Variants in NTRK2 observed in about 807,000 individuals in gnomAD.
The protein encoded by NTRK2 is BDNF/NT-3 growth factors receptor.
In NTRK2, 13 loss-of-function variants were observed where a neutral mutation model predicts 94.5. The ratio of observed to expected loss-of-function variants is 0.14; its 90% CI spans 0.09 to 0.22. The LOEUF (loss-of-function observed/expected upper bound fraction) is 0.22, where lower values mean the gene tolerates loss of function less well. NTRK2 is among the 10% of genes least tolerant of loss of function. The pLI, the probability that NTRK2 is intolerant of heterozygous loss-of-function variation, is 1.00. For missense variants in NTRK2, 639 were observed against 1,071.2 expected (o/e 0.60, Z 5.63); for synonymous variants, 372 against 407.4 (o/e 0.91, Z 1.05).
intron 12 of NTRK2, among the ~76,000 whole-genome samples, chr9:84,764,488 A>G (rs2065859516): frequency 6.6e-6 from 1 of 152,178 alleles, no homozygotes; most frequent in Non-Finnish European, 1.5e-5. Context: ...CCTTGAGGCA[A>G]TGATTGGGTG....
intron 15 of NTRK2, among the ~76,000 whole-genome samples, chr9:84,947,950 G>A (rs1398758790): frequency 1.3e-5 from 2 of 152,210 alleles, no homozygotes; most frequent in East Asian, 1.9e-4. Flanking sequence ...GGGATGTTTT[G>A]TGAGCCGGCA....
At chr9:84,892,318 C>T (rs936574006) in intron 14 of NTRK2, among the ~76,000 whole-genome samples, 3 of 152,212 alleles carry the variant, frequency 2.0e-5, no homozygotes, top group Admixed American at 6.5e-5. Context: ...AGCTCTGTCT[C>T]TCACATCTTA....
intron 9 of NTRK2, among the ~76,000 whole-genome samples, chr9:84,738,562 G>A (rs572972042): frequency 3.9e-5 from 6 of 152,230 alleles, no homozygotes; most frequent in Non-Finnish European, 8.8e-5. Context: ...TACTGTTGGA[G>A]TGTAAATATC....
intron 12 of NTRK2, among the ~76,000 whole-genome samples, chr9:84,768,765 G>A (rs563288902): frequency 5.3e-5 from 8 of 152,240 alleles, no homozygotes; most frequent in Admixed American, 5.2e-4. Context: ...TCTGCATACA[G>A]CATGGACATG....
chr9:84,770,165 C>CACAT (rs1254522853), intron 12 of NTRK2, among the ~76,000 whole-genome samples: 131 of 151,506 alleles, frequency 8.6e-4, no homozygotes, highest in Middle Eastern at 3.4e-3. Context: ...CACACACACA[C>CACAT]ACACACACAC....
chr9:84,746,546 C>T (rs902112892), intron 11 of NTRK2, among the ~76,000 whole-genome samples: 3 of 152,090 alleles, frequency 2.0e-5, no homozygotes, highest in Non-Finnish European at 4.4e-5. Context: ...TGTTATAATT[C>T]TCAGAGTCCT....
At chr9:84,971,085 T>C (rs1265365733) in intron 17 of NTRK2, among the ~76,000 whole-genome samples, 2 of 152,214 alleles carry the variant, frequency 1.3e-5, no homozygotes, top group African/African-American at 4.8e-5. Context: ...ATAGATTCAT[T>C]TAAAACAGTT....
At chr9:84,694,050 A>G (rs1307805659) in intron 2 of NTRK2, among the ~76,000 whole-genome samples, 1 of 152,230 alleles carries the variant, frequency 6.6e-6, no homozygotes. Context: ...GTAAAGGTCC[A>G]TTGTGCAAAA....
chr9:84,977,395 A>G (rs772369556), intron 17 of NTRK2, among the ~76,000 whole-genome samples: 14 of 152,210 alleles, frequency 9.2e-5, no homozygotes, highest in Non-Finnish European at 1.6e-4. Flanking sequence ...CAAAAATGCA[A>G]AAAAACATGG....
At chr9:84,695,054 CAAAAAAA>C (rs61049105) in intron 2 of NTRK2, among the ~76,000 whole-genome samples, 4 of 68,484 alleles carry the variant, frequency 5.8e-5, no homozygotes, top group Admixed American at 1.5e-4. Flanking sequence ...GACTCCGTCT[CAAAAAAA>C]AAAAAAAAAA....
At position 84,723,579 on chromosome 9, in the gene NTRK2, C is replaced by T; in HGVS notation, c.590C>T (p.Pro197Leu). 1 of 1,614,000 alleles carries T rather than the reference C, an allele frequency of 6.2e-7. No homozygotes were observed. The highest frequency in any genetic ancestry group is 8.5e-7 in the Non-Finnish European group (1 of 1,179,936). Residue 197 changes from proline (P) to leucine (L), a missense_variant, in exon 7 of 19, where the codon CCA becomes CTA. Physicochemically the swap from Pro to Leu is moderately conservative, Grantham distance 98. Around this residue, in one of 5 missense-constraint regions of NTRK2, gnomAD observed 206 missense variants for 251.5 expected, o/e 0.82. Transcript: ENST00000277120. ...ANLQIPNCGL[P>L]SANLAAPNLT... ...TACTTTTCTTGTTCCATAGGTTTGC[C>T]ATCTGCAAATCTGGCCGCACCTAAC...
chr9:84,847,470 A>G (rs73474461), intron 12 of NTRK2, among the ~76,000 whole-genome samples: 9,790 of 152,250 alleles, frequency 0.064, 1,062 homozygotes, highest in African/African-American at 0.22. Flanking sequence ...GCCAGGATCC[A>G]TCTTTTGGCT....
intron 12 of NTRK2, among the ~76,000 whole-genome samples, chr9:84,777,418 A>G (rs558851400): frequency 4.6e-5 from 7 of 152,358 alleles, no homozygotes; most frequent in Admixed American, 3.9e-4. Flanking sequence ...ATGGGTTATC[A>G]TGCAAAACAG....
intron 17 of NTRK2, among the ~76,000 whole-genome samples, chr9:84,976,090 C>T (rs929745603): frequency 2.0e-5 from 3 of 152,158 alleles, no homozygotes; most frequent in Non-Finnish European, 2.9e-5. Flanking sequence ...AGCCAGGGGT[C>T]AAGGGGACAG....
intron 17 of NTRK2, among the ~76,000 whole-genome samples, chr9:84,994,103 T>C (rs1829436903): frequency 6.6e-6 from 1 of 152,216 alleles, no homozygotes; most frequent in African/African-American, 2.4e-5. Context: ...AAGCGCAACA[T>C]GGAGACTTTC....
intron 2 of NTRK2, among the ~76,000 whole-genome samples, chr9:84,694,751 G>C (rs2060257363): frequency 6.6e-6 from 1 of 151,994 alleles, no homozygotes; most frequent in Non-Finnish European, 1.5e-5. Context: ...GGGAATTTGA[G>C]GTCTATCTAC....
intron 14 of NTRK2, among the ~76,000 whole-genome samples, chr9:84,929,587 A>G (rs551611202): frequency 1.2e-4 from 18 of 149,278 alleles, no homozygotes; most frequent in African/African-American, 3.2e-4. Context: ...AATTTGAGAG[A>G]GTCTCATTCT....
chr9:84,868,381 G>A (rs1411859010), intron 14 of NTRK2, among the ~76,000 whole-genome samples: 1 of 152,132 alleles, frequency 6.6e-6, no homozygotes, highest in Non-Finnish European at 1.5e-5. Context: ...GGGATGAAGG[G>A]CCTTAGCAAT....
chr9:84,888,981 A>ATTTT (rs1564435262), intron 14 of NTRK2, among the ~76,000 whole-genome samples: 2 of 82,902 alleles, frequency 2.4e-5, no homozygotes, highest in East Asian at 3.4e-4. Context: ...TAATGACAGA[A>ATTTT]ATTTTTTTTT....
Sources: allele counts gnomAD v4.1 joint callset (sites outside exome capture counted in the v4.1 genomes callset), GRCh38; gene constraint gnomAD v4.1.1; regional missense constraint gnomAD v4.1.1; transcripts MANE v1.5; gene names NCBI Gene and HGNC (gene_info 2026-07-23, HGNC 2026-07-21).